The following CPNE5 variants were observed in gnomAD, a reference collection of about 807,000 sequenced individuals.
CPNE5 encodes the protein copine 5, also known as copine-5.
A neutral mutation model predicts 81.1 loss-of-function variants in CPNE5; 42 were observed. That is an observed-to-expected ratio of 0.52 (90% CI 0.40 to 0.67). The LOEUF is 0.67. Among genes scored for constraint, CPNE5 ranks in the 30% least tolerant of loss-of-function variants. The pLI is 0.00. For missense variants in CPNE5, 612 were observed against 815.5 expected (o/e 0.75, Z 3.04); for synonymous variants, 313 against 321.5 (o/e 0.97, Z 0.28).
At chr6:36,744,623 G>A in intron 18 of CPNE5, 1 of 507,354 alleles carries the variant, frequency 2.0e-6, no homozygotes, top group East Asian at 3.3e-5. Context: ...CCGGCTTGGG[G>A]AGCCATGTTC....
intron 20 of CPNE5, among the ~76,000 whole-genome samples, chr6:36,743,412 G>A (rs1763749782): frequency 6.6e-6 from 1 of 152,234 alleles, no homozygotes; most frequent in Admixed American, 6.5e-5. Context: ...ACAGAGGCCT[G>A]GAGGCTGAGG....
intron 11 of CPNE5, among the ~76,000 whole-genome samples, chr6:36,763,432 G>A (rs1418312829): frequency 4.6e-5 from 7 of 152,066 alleles, no homozygotes; most frequent in East Asian, 1.9e-4. Context: ...GTGAAACCCC[G>A]TCTCTATTAA....
intron 3 of CPNE5, among the ~76,000 whole-genome samples, chr6:36,814,075 C>G (rs527316640): frequency 6.6e-6 from 1 of 152,272 alleles, no homozygotes; most frequent in South Asian, 2.1e-4. Context: ...GAGTTTTGGA[C>G]ATCAAGTTCA....
intron 10 of CPNE5, among the ~76,000 whole-genome samples, chr6:36,769,440 C>T (rs1026287432): frequency 2.0e-5 from 3 of 152,232 alleles, no homozygotes; most frequent in South Asian, 2.1e-4. Flanking sequence ...GCTGCCCCCA[C>T]GGCATACCAA....
At chr6:36,747,983 A>C (rs1184744782) in intron 15 of CPNE5, among the ~76,000 whole-genome samples, 1 of 152,156 alleles carries the variant, frequency 6.6e-6, no homozygotes, top group Non-Finnish European at 1.5e-5. Flanking sequence ...CCCCAGGGAG[A>C]CTGGGTGTTC....
chr6:36,835,942 C>T (rs1316912796), intron 1 of CPNE5, among the ~76,000 whole-genome samples: 1 of 152,134 alleles, frequency 6.6e-6, no homozygotes, highest in Non-Finnish European at 1.5e-5. Flanking sequence ...TCATGGATTA[C>T]TTCATTTAAG....
intron 10 of CPNE5, among the ~76,000 whole-genome samples, chr6:36,768,898 A>C (rs1766816217): frequency 6.6e-6 from 1 of 152,220 alleles, no homozygotes; most frequent in African/African-American, 2.4e-5. Flanking sequence ...CAACTGGCTT[A>C]ACCCTCAGAC....
chr6:36,810,884 C>T (rs1036474137), intron 3 of CPNE5, among the ~76,000 whole-genome samples: 2 of 152,144 alleles, frequency 1.3e-5, no homozygotes, highest in Non-Finnish European at 2.9e-5. Flanking sequence ...GAGACAGGGG[C>T]CCTGAGTTAG....
intron 1 of CPNE5, among the ~76,000 whole-genome samples, chr6:36,830,601 A>T (rs1353377496): frequency 6.6e-6 from 1 of 152,198 alleles, no homozygotes; most frequent in Non-Finnish European, 1.5e-5. Context: ...TTTTATTGTT[A>T]TTAATTATTG....
intron 1 of CPNE5, among the ~76,000 whole-genome samples, chr6:36,824,100 A>G (rs990893350): frequency 6.6e-6 from 1 of 152,206 alleles, no homozygotes; most frequent in Non-Finnish European, 1.5e-5. Flanking sequence ...GATGCCCTGC[A>G]TGGATCCCCT....
At chr6:36,743,791 G>C in intron 19 of CPNE5, 29 bp from the exon 20 acceptor site, 1 of 1,596,042 alleles carries the variant, frequency 6.3e-7, no homozygotes, top group South Asian at 1.1e-5. Flanking sequence ...CATGGGGCGG[G>C]GTGAGATTAA....
At chr6:36,792,971 A>T (rs1259313125) in intron 7 of CPNE5, among the ~76,000 whole-genome samples, 1 of 152,044 alleles carries the variant, frequency 6.6e-6, no homozygotes, top group East Asian at 1.9e-4. Context: ...TACCTCTCTG[A>T]GCCTCAGTTT....
At chr6:36,827,510 T>C (rs1316465360) in intron 1 of CPNE5, 6 of 985,326 alleles carry the variant, frequency 6.1e-6, no homozygotes, top group Non-Finnish European at 7.2e-6. Context: ...CCCCCTATTA[T>C]GTCTCTGATG....
intron 10 of CPNE5, among the ~76,000 whole-genome samples, chr6:36,767,786 G>A (rs1766690863): frequency 6.6e-6 from 1 of 152,234 alleles, no homozygotes; most frequent in South Asian, 2.1e-4. Flanking sequence ...TCAGGCCTGG[G>A]TAGTTTTGAA....
intron 10 of CPNE5, among the ~76,000 whole-genome samples, chr6:36,767,001 T>C (rs1270693932): frequency 6.6e-6 from 1 of 152,142 alleles, no homozygotes; most frequent in Non-Finnish European, 1.5e-5. Flanking sequence ...ATTACAGGCA[T>C]GAGCCACCAC....
At chr6:36,763,780 C>T (rs1766287191) in intron 11 of CPNE5, among the ~76,000 whole-genome samples, 1 of 152,044 alleles carries the variant, frequency 6.6e-6, no homozygotes, top group East Asian at 1.9e-4. Flanking sequence ...GCAAATATAA[C>T]AAATGTTAAA....
Position 36,794,591 on chromosome 6 carries a change from C to T in CPNE5, c.463G>A (p.Gly155Ser), listed in dbSNP as rs756592970. 7 of 1,613,852 alleles carry T rather than the reference C, an allele frequency of 4.3e-6. No individual in the cohort carries two copies. The highest frequency in any genetic ancestry group is 1.3e-5 in the African/African-American group (1 of 74,896). The change falls in exon 7 of 21, where the codon GGT (glycine) becomes AGT (serine). Residue 155 changes from glycine (G) to serine (S), a missense_variant and splice_region_variant. By Grantham distance (56) the Gly-to-Ser change is moderately conservative (BLOSUM62 0). Transcript: ENST00000244751. ...GGCCAGAGATGTCTGGCAACGTACCCGTTGGACACAGCTGGCATGGGTTTG... is the reference window on the plus strand; with the variant it reads ...GGCCAGAGATGTCTGGCAACGTACCTGTTGGACACAGCTGGCATGGGTTTG... ...TGKPMPAVSN[G>S]GVPGKKCGTI...
intron 1 of CPNE5, among the ~76,000 whole-genome samples, chr6:36,833,491 T>C (rs547157434): frequency 6.6e-6 from 1 of 152,288 alleles, no homozygotes; most frequent in East Asian, 1.9e-4. Flanking sequence ...GTGATTACAG[T>C]TACTTTACAT....
At chr6:36,838,638 T>C in intron 1 of CPNE5, 1 of 402,562 alleles carries the variant, frequency 2.5e-6, no homozygotes, top group Non-Finnish European at 3.4e-6. Context: ...GCTTAAGATT[T>C]TTGACCCAAG....
Sources: allele counts gnomAD v4.1 joint callset (sites outside exome capture counted in the v4.1 genomes callset), GRCh38; gene constraint gnomAD v4.1.1; transcripts MANE v1.5; gene names NCBI Gene and HGNC (gene_info 2026-07-23, HGNC 2026-07-21).